The following ERAP2 variants were observed in gnomAD, a reference collection of about 807,000 sequenced individuals.
ERAP2 encodes the protein endoplasmic reticulum aminopeptidase 2.
In ERAP2, 118 loss-of-function variants were observed where a neutral mutation model predicts 111.1. That is an observed-to-expected ratio of 1.06 (90% confidence interval 0.92 to 1.24). The LOEUF (loss-of-function observed/expected upper bound fraction) is 1.24. Ranked by LOEUF, ERAP2 falls within the 50% of genes most tolerant of loss-of-function variation. The probability of loss-of-function intolerance (pLI) is 0.00; values close to 1 mark genes in which losing one functional copy is unlikely to be tolerated. For synonymous variants in ERAP2, 410 were observed against 401.2 expected (o/e 1.02, Z -0.26); for missense variants, 1,131 against 1,125.8 (o/e 1.00, Z -0.07).
intron 7 of ERAP2, among the ~76,000 whole-genome samples, chr5:96,895,820 A>G (rs1197323650): frequency 1.3e-5 from 2 of 152,146 alleles, no homozygotes; most frequent in African/African-American, 4.8e-5. Flanking sequence ...AAAAACGAAT[A>G]TAGTGGTCTG....
rs1785704426 is a variant in ERAP2 at position 96,903,480 on chromosome 5, T to C, written c.1932T>C (p.Ile644=). The change falls in exon 13 of 19, where the codon ATT becomes ATC. Residue 644 remains isoleucine (I), a synonymous_variant. Coordinates refer to ENST00000437043, the MANE Select transcript of ERAP2 (RefSeq NM_022350.5). ...AGGGTCATGGATGGGACCAACTCAT[T>C]ACACAGCTGAATCAGAACCACACAC... ...HYEGHGWDQL[I]TQLNQNHTLL... 2 of 1,614,050 alleles carry C rather than the reference T, an allele frequency of 1.2e-6. No individual in the cohort carries two copies. Among genetic ancestry groups the C allele is most frequent in the Non-Finnish European group, 1.7e-6 (2 of 1,179,940 alleles).
chr5:96,917,196 T>C (rs1003376881), intron 18 of ERAP2, among the ~76,000 whole-genome samples: 2 of 152,064 alleles, frequency 1.3e-5, no homozygotes, highest in Non-Finnish European at 2.9e-5. Flanking sequence ...AACCTCCACC[T>C]GCTGGGTTCA....
At chr5:96,913,287 T>TTTATTAGGTATTA in intron 16 of ERAP2, 30 bp from the exon 17 acceptor site, 1 of 1,596,256 alleles carries the variant, frequency 6.3e-7, no homozygotes, top group Non-Finnish European at 8.6e-7. Context: ...ATACCTACTA[T>TTTATTAGGTATTA]TTAGAAACAA....
At chr5:96,900,865 G>A (rs920198806) in intron 10 of ERAP2, among the ~76,000 whole-genome samples, 1 of 152,056 alleles carries the variant, frequency 6.6e-6, no homozygotes. Flanking sequence ...TTTCAGTAGA[G>A]ATGGGGTTTC....
intron 4 of ERAP2, among the ~76,000 whole-genome samples, chr5:96,887,053 A>G (rs1032546395): frequency 6.8e-6 from 1 of 147,162 alleles, no homozygotes; most frequent in Non-Finnish European, 1.5e-5. Flanking sequence ...CTTACTATAT[A>G]TGTAAAGGTA....
intron 6 of ERAP2, 102 bp downstream of exon 6, chr5:96,892,555 T>C: frequency 7.3e-7 from 1 of 1,377,308 alleles, no homozygotes; most frequent in Non-Finnish European, 9.9e-7. Context: ...CATTTACCTC[T>C]AGAGGGGAAC....
rs1162282517 is a variant in ERAP2 at position 96,900,905 on chromosome 5, T to C, written c.1573-601T>C. Among the ~76,000 whole-genome samples, 3 of 152,104 alleles carry C rather than the reference T, an allele frequency of 2.0e-5. No individual in the cohort carries two copies. In the East Asian group the frequency reaches 5.8e-4, roughly 29 times the overall value. ...TGTAGGCCAGACTGACCTCAGGCAA[T>C]TCGCCCACCTTGGCCTCCCAAAATG... On this transcript the variant is annotated intron_variant, in intron 10 of 18. Transcript: ENST00000437043.
Position 96,892,349 on chromosome 5 carries a change from C to G in ERAP2, c.1021C>G (p.Leu341Val). The G allele has an allele frequency of 6.2e-7, 1 of 1,613,922 alleles. No homozygotes were observed. The highest frequency in any genetic ancestry group is 8.5e-7 in the Non-Finnish European group (1 of 1,179,918). ...ACCTGGAGCCATGGAAAATTGGGGCCTCATTACATATAGGGAGACGTCACT... is the reference window on the plus strand; with the variant it reads ...ACCTGGAGCCATGGAAAATTGGGGCGTCATTACATATAGGGAGACGTCACT... ...FAPGAMENWG[L>V]ITYRETSLLF... The change falls in exon 6 of 19, where the codon CTC becomes GTC. Residue 341 changes from leucine to valine, a missense_variant. Physicochemically the swap from Leu to Val is conservative, Grantham distance 32. This residue lies in a region of ERAP2 where 847 missense variants were observed against 856.5 expected (regional missense o/e 0.99). Coordinates refer to ENST00000437043, the MANE Select transcript of ERAP2 (RefSeq NM_022350.5).
intron 15 of ERAP2, among the ~76,000 whole-genome samples, chr5:96,911,190 A>C (rs553643805): frequency 6.6e-6 from 1 of 152,224 alleles, no homozygotes; most frequent in Non-Finnish European, 1.5e-5. Flanking sequence ...TAAAAAAATC[A>C]GGATAATAAC....
Position 96,895,449 on chromosome 5 carries a change from C to T in ERAP2, c.1239+90C>T. ...TTCAAGTGAATGTTAAACAGAAAAACTACATAATGTTGTGGTTTTTGAACA... is the reference window on the plus strand; with the variant it reads ...TTCAAGTGAATGTTAAACAGAAAAATTACATAATGTTGTGGTTTTTGAACA... On this transcript the variant is annotated intron_variant, in intron 7 of 18. Coordinates refer to ENST00000437043, the MANE Select transcript of ERAP2 (RefSeq NM_022350.5). The T allele has an allele frequency of 3.2e-6, 3 of 929,790 alleles. No homozygotes were observed. The South Asian group carries it at 4.4e-5, about 14-fold the overall frequency. 57.6% of individuals were successfully genotyped at this position (929,790 alleles called of 1,614,324 possible).
chr5:96,906,245 C>T (rs1581885569), intron 13 of ERAP2, among the ~76,000 whole-genome samples: 1 of 151,334 alleles, frequency 6.6e-6, no homozygotes, highest in Non-Finnish European at 1.5e-5. Context: ...CTTCCTCTTC[C>T]TCTTCTACTT....
chr5:96,913,875 G>A lies in ERAP2; in HGVS notation c.2657+418G>A, dbSNP rs370046060. On this transcript the variant is annotated intron_variant, in intron 17 of 18. Coordinates refer to ENST00000437043, the MANE Select transcript of ERAP2 (RefSeq NM_022350.5). ...GAAAATCTCAGGAATTTTGGTAAGA[G>A]CTACTCCTCACCCCTAGAGCCCCTG... Among the ~76,000 whole-genome samples, 15 of 152,248 alleles carry A rather than the reference G, an allele frequency of 9.9e-5. No homozygotes were observed. The South Asian group carries it at 3.1e-3, about 32-fold the overall frequency.
At chr5:96,903,135 A>G (rs7728237) in intron 12 of ERAP2, among the ~76,000 whole-genome samples, 14 of 152,208 alleles carry the variant, frequency 9.2e-5, no homozygotes, top group African/African-American at 3.4e-4. Flanking sequence ...ACCTGCATAG[A>G]CAATTTTTTA....
At chr5:96,892,530 C>A in intron 6 of ERAP2, 77 bp downstream of exon 6, 1 of 1,530,502 alleles carries the variant, frequency 6.5e-7, no homozygotes, top group South Asian at 1.2e-5. Context: ...CTTCCTGAAA[C>A]AAAATAAATC....
chr5:96,882,335 T>C (rs1387785785), intron 2 of ERAP2, among the ~76,000 whole-genome samples: 1 of 152,134 alleles, frequency 6.6e-6, no homozygotes, highest in Non-Finnish European at 1.5e-5. Flanking sequence ...ATATTTGGAG[T>C]AAAGCTGTAG....
At chr5:96,894,136 G>T (rs1232573720) in intron 6 of ERAP2, among the ~76,000 whole-genome samples, 1 of 152,164 alleles carries the variant, frequency 6.6e-6, no homozygotes, top group African/African-American at 2.4e-5. Context: ...ATACATCTTT[G>T]TATTTCTAAC....
At position 96,918,959 on chromosome 5, in the gene ERAP2, A is replaced by G. The variant is rs970255839; in HGVS notation, c.*1354A>G. On this transcript the variant is annotated 3_prime_UTR_variant, in exon 19 of 19. Transcript: ENST00000437043. ...AAATGCTTCTCTTAATTATTTGAATAAGGTAGTTTGGAATAAAGAAAGAAA... is the reference window on the plus strand; with the variant it reads ...AAATGCTTCTCTTAATTATTTGAATGAGGTAGTTTGGAATAAAGAAAGAAA... 1.3e-5 allele frequency: 2 copies of G among 152,208 alleles called. No individual in the cohort carries two copies. The highest frequency in any genetic ancestry group is 1.3e-4 in the Admixed American group (2 of 15,280). 9.4% of individuals were successfully genotyped at this position (152,208 alleles called of 1,614,324 possible).
chr5:96,907,657 G>A (rs898077464), intron 13 of ERAP2, among the ~76,000 whole-genome samples: 3 of 151,858 alleles, frequency 2.0e-5, no homozygotes, highest in Non-Finnish European at 4.4e-5. Flanking sequence ...CGAGGCGGGT[G>A]GATCACCTGA....
chr5:96,890,782 T>G (rs1001273175), intron 5 of ERAP2, among the ~76,000 whole-genome samples: 2 of 152,218 alleles, frequency 1.3e-5, no homozygotes, highest in African/African-American at 4.8e-5. Flanking sequence ...GCTATTATTG[T>G]GCAGGTTCTA....
Sources: allele counts gnomAD v4.1 joint callset (sites outside exome capture counted in the v4.1 genomes callset), GRCh38; gene constraint gnomAD v4.1.1; regional missense constraint gnomAD v4.1.1; transcripts MANE v1.5; gene names NCBI Gene and HGNC (gene_info 2026-07-23, HGNC 2026-07-21).